COG2: variants seen among roughly 807,000 people sequenced by gnomAD.
The protein encoded by COG2 is conserved oligomeric Golgi complex subunit 2.
Under a neutral mutation model 90.6 loss-of-function variants are expected in COG2, and 52 were observed. The ratio of observed to expected loss-of-function variants is 0.57; its 90% CI spans 0.46 to 0.72. The LOEUF is 0.72. Among genes scored for constraint, COG2 ranks in the 30% least tolerant of loss-of-function variants. The pLI, the probability that COG2 is intolerant of heterozygous loss-of-function variation, is 0.00. For synonymous variants in COG2, 337 were observed against 320.4 expected (o/e 1.05, Z -0.55); for missense variants, 829 against 891.2 (o/e 0.93, Z 0.89).
At position 230,686,983 on chromosome 1, in the gene COG2, C is replaced by A; in HGVS notation, c.1429C>A (p.Pro477Thr). 6.2e-7 allele frequency: 1 copy of A among 1,602,298 alleles called. No individual in the cohort carries two copies. Among genetic ancestry groups the A allele is most frequent in the Non-Finnish European group, 8.5e-7 (1 of 1,172,508 alleles). Residue 477 changes from proline (P) to threonine (T), a missense_variant, in exon 13 of 18, where the codon CCT (proline) becomes ACT (threonine). Physicochemically the swap from Pro to Thr is conservative, Grantham distance 38. Coordinates refer to ENST00000366669, the MANE Select transcript of COG2 (RefSeq NM_007357.3). ...SNESPKEIKK[P>T]LVTGSKEPSI... ...TGAAAGTCCCAAGGAGATCAAGAAACCTTTGGTAACTGGTAGCAAAGAACC... is the reference window on the plus strand; with the variant it reads ...TGAAAGTCCCAAGGAGATCAAGAAAACTTTGGTAACTGGTAGCAAAGAACC...
intron 5 of COG2, 40 bp downstream of exon 5, chr1:230,664,627 C>G (rs1662272958): frequency 9.6e-7 from 1 of 1,038,098 alleles, no homozygotes; most frequent in South Asian, 1.5e-5. Flanking sequence ...ATTAATACTT[C>G]ACATCCAGAG....
chr1:230,671,313 A>T, intron 7 of COG2: 1 of 345,056 alleles, frequency 2.9e-6, no homozygotes, highest in South Asian at 4.4e-5. Flanking sequence ...TCTCCCCCAC[A>T]GTTGTATCTG....
At chr1:230,677,460 T>C (rs924070980) in intron 9 of COG2, among the ~76,000 whole-genome samples, 5 of 152,228 alleles carry the variant, frequency 3.3e-5, no homozygotes, top group African/African-American at 1.2e-4. Flanking sequence ...ATCTGTTGGC[T>C]GATTGTCCCA....
At chr1:230,651,904 G>A (rs1308213158) in intron 1 of COG2, among the ~76,000 whole-genome samples, 1 of 152,166 alleles carries the variant, frequency 6.6e-6, no homozygotes, top group African/African-American at 2.4e-5. Flanking sequence ...TGAGCAGAAA[G>A]CACAGAGGTC....
chr1:230,653,152 A>G (rs1027521832), intron 1 of COG2, among the ~76,000 whole-genome samples: 3 of 151,872 alleles, frequency 2.0e-5, no homozygotes, highest in South Asian at 2.1e-4. Flanking sequence ...CCCAACGCCA[A>G]TCCCCATTCT....
chr1:230,655,055 G>C (rs896891918), intron 1 of COG2, among the ~76,000 whole-genome samples: 3 of 152,192 alleles, frequency 2.0e-5, no homozygotes, highest in African/African-American at 7.2e-5. Flanking sequence ...GAGACAATTT[G>C]ACTTCCTCTC....
intron 3 of COG2, 41 bp downstream of exon 3, chr1:230,660,864 A>G (rs750809157): frequency 1.3e-5 from 18 of 1,369,466 alleles, no homozygotes; most frequent in Non-Finnish European, 1.8e-5. Flanking sequence ...ACCCTAAAGC[A>G]TGATATGCTT....
At chr1:230,654,841 TTATTA>T (rs748052521) in intron 1 of COG2, among the ~76,000 whole-genome samples, 5 of 152,178 alleles carry the variant, frequency 3.3e-5, no homozygotes, top group Non-Finnish European at 5.9e-5. Context: ...CCTAGTTATT[TTATTA>T]TCTTAGTAGC....
At position 230,690,084 on chromosome 1, in the gene COG2, A is replaced by G; in HGVS notation, c.1865A>G (p.His622Arg). 1 of 1,613,570 alleles carries G rather than the reference A, an allele frequency of 6.2e-7. No homozygotes were observed. The highest frequency in any genetic ancestry group is 8.5e-7 in the Non-Finnish European group (1 of 1,179,752). Residue 622 changes from histidine (H) to arginine (R), a missense_variant, in exon 16 of 18, where the codon CAC becomes CGC. Physicochemically the swap from His to Arg is conservative, Grantham distance 29. Coordinates refer to ENST00000366669, the MANE Select transcript of COG2 (RefSeq NM_007357.3). ...LKPLFQLQSG[H>R]KDKLKQAIIQ... ...CCCTTATTCCAGCTTCAGAGCGGAC[A>G]CAAGGATAAGCTCAAACAAGCAATA...
chr1:230,681,379 A>T (rs999965539), intron 10 of COG2: 1 of 152,238 alleles, frequency 6.6e-6, no homozygotes, highest in African/African-American at 2.4e-5. Flanking sequence ...TATGATGTGG[A>T]ATCTACATAG....
At position 230,685,101 on chromosome 1, in the gene COG2, C is replaced by G; in HGVS notation, c.1245C>G (p.Cys415Trp). ...LEDAPAESPY[C>W]LLASHRTWSS... ...TTTCTCTAGCTGAAAGTCCGTATTGCCTTTTGGCTTCTCATAGAACTTGGA... is the reference window on the plus strand; with the variant it reads ...TTTCTCTAGCTGAAAGTCCGTATTGGCTTTTGGCTTCTCATAGAACTTGGA... Residue 415 changes from cysteine (C) to tryptophan (W), a missense_variant, in exon 12 of 18, where the codon TGC becomes TGG. Physicochemically the swap from Cys to Trp is radical, Grantham distance 215 (BLOSUM62 -2). Transcript: ENST00000366669. 6.2e-7 allele frequency: 1 copy of G among 1,613,980 alleles called. No individual in the cohort carries two copies. The highest frequency in any genetic ancestry group is 8.5e-7 in the Non-Finnish European group (1 of 1,179,976).
intron 8 of COG2, among the ~76,000 whole-genome samples, chr1:230,674,593 A>C (rs1006675189): frequency 6.6e-6 from 1 of 152,264 alleles, no homozygotes; most frequent in African/African-American, 2.4e-5. Flanking sequence ...AAATTAGCAT[A>C]ACTTACAATG....
intron 1 of COG2, among the ~76,000 whole-genome samples, chr1:230,645,124 A>G (rs1661734973): frequency 6.6e-6 from 1 of 150,736 alleles, no homozygotes; most frequent in Admixed American, 6.7e-5. Context: ...AGTCCCAGCT[A>G]CTTGGGAGGC....
At chr1:230,659,872 G>A (rs908098008) in intron 2 of COG2, among the ~76,000 whole-genome samples, 1 of 152,180 alleles carries the variant, frequency 6.6e-6, no homozygotes, top group Non-Finnish European at 1.5e-5. Context: ...ACAAAGGCTA[G>A]CAGTAGCAGA....
At chr1:230,667,639 CAGTT>C (rs575534390) in intron 5 of COG2, among the ~76,000 whole-genome samples, 46 of 152,238 alleles carry the variant, frequency 3.0e-4, no homozygotes, top group South Asian at 2.5e-3. Flanking sequence ...ATTCAGGAAA[CAGTT>C]AGGGATATTC....
chr1:230,642,899 G>A (rs1371744605), intron 1 of COG2: 2 of 545,288 alleles, frequency 3.7e-6, no homozygotes, highest in Admixed American at 3.6e-5. Context: ...TACATGGAAA[G>A]GCCTGAAAGT....
chr1:230,654,054 C>A (rs1164306273), intron 1 of COG2, among the ~76,000 whole-genome samples: 1 of 152,128 alleles, frequency 6.6e-6, no homozygotes, highest in Non-Finnish European at 1.5e-5. Flanking sequence ...AAATTTTCTC[C>A]CATTCTGTAG....
rs1262969880 is a variant in COG2 at position 230,688,522 on chromosome 1, G to T, written c.1754G>T (p.Ser585Ile). 6.2e-7 allele frequency: 1 copy of T among 1,614,112 alleles called. No homozygotes were observed. The highest frequency in any genetic ancestry group is 1.1e-5 in the South Asian group (1 of 91,074). ...LSDSCFGFLK[S>I]ALEVPRLYRR... is the part of the protein sequence containing the mutation. Reference sequence around the variant, plus strand: ...GACTCTTGCTTCGGTTTCCTAAAAAGCGCCCTGGAGGTTCCCAGGCTTTAC... The same window carrying T: ...GACTCTTGCTTCGGTTTCCTAAAAATCGCCCTGGAGGTTCCCAGGCTTTAC... Residue 585 changes from serine to isoleucine, a missense_variant, in exon 15 of 18, where the codon AGC (serine) becomes ATC (isoleucine). Transcript: ENST00000366669.
intron 6 of COG2, 160 bp downstream of exon 6, chr1:230,668,944 A>T: frequency 1.9e-6 from 1 of 522,978 alleles, no homozygotes; most frequent in Non-Finnish European, 3.4e-6. Context: ...AGTGTCACAC[A>T]TTATAGATTT....
Sources: allele counts gnomAD v4.1 joint callset (sites outside exome capture counted in the v4.1 genomes callset), GRCh38; gene constraint gnomAD v4.1.1; transcripts MANE v1.5; gene names NCBI Gene and HGNC (gene_info 2026-07-23, HGNC 2026-07-21).